The following NDUFA9 variants were observed in gnomAD, a reference collection of about 807,000 sequenced individuals.
NDUFA9 encodes the protein NADH:ubiquinone oxidoreductase subunit A9, also known as NADH dehydrogenase [ubiquinone] 1 alpha subcomplex subunit 9, mitochondrial.
NDUFA9 carries 23 observed loss-of-function variants against 45.9 expected under a neutral mutation model. The observed-to-expected ratio is 0.50, with a 90% confidence interval of 0.36 to 0.71. The LOEUF is 0.71. Ranked by LOEUF, NDUFA9 falls within the 30% of genes least tolerant of loss-of-function variation. The pLI, the probability that NDUFA9 is intolerant of heterozygous loss-of-function variation, is 0.00. For synonymous variants in NDUFA9, 176 were observed against 170.5 expected, an observed-to-expected ratio of 1.03 and a Z score of -0.25; for missense variants, 466 against 488.2, an observed-to-expected ratio of 0.95 and a Z score of 0.43.
intron 3 of NDUFA9, among the ~76,000 whole-genome samples, chr12:4,656,101 A>G (rs908712562): frequency 1.3e-5 from 2 of 152,232 alleles, no homozygotes; most frequent in African/African-American, 4.8e-5. Flanking sequence ...GGTAATATTC[A>G]TACAGATTAT....
intron 8 of NDUFA9, among the ~76,000 whole-genome samples, chr12:4,677,712 G>A (rs1247284524): frequency 6.6e-6 from 1 of 152,004 alleles, no homozygotes; most frequent in African/African-American, 2.4e-5. Flanking sequence ...GTAAACCATT[G>A]TGGAAGACAG....
rs775798853 is a variant in NDUFA9 at position 4,668,457 on chromosome 12, G to T, written c.656G>T (p.Ser219Ile). ...REDRFLNSFA[S>I]MHRFGPIPLG... Reference sequence around the variant, plus strand: ...TAGTTCTCATTCTTTCTTCCGCTAGGTATGCATCGGTTTGGTCCTATACCC... The same window carrying T: ...TAGTTCTCATTCTTTCTTCCGCTAGTTATGCATCGGTTTGGTCCTATACCC... The change falls in exon 7 of 11, where the codon AGT (serine) becomes ATT (isoleucine). Residue 219 changes from serine (S) to isoleucine (I), a missense_variant and splice_region_variant. Coordinates refer to ENST00000266544, the MANE Select transcript of NDUFA9 (RefSeq NM_005002.5). 6.2e-7 allele frequency: 1 copy of T among 1,612,698 alleles called. No homozygotes were observed. Among genetic ancestry groups the T allele is most frequent in the East Asian group, 2.2e-5 (1 of 44,866 alleles).
Position 4,659,453 on chromosome 12 carries a change from A to G in NDUFA9, c.552+276A>G, listed in dbSNP as rs7972920. Among the ~76,000 whole-genome samples, 106,257 of 152,082 alleles carry G rather than the reference A, an allele frequency of 0.7. 37,587 individuals are homozygous for G. The highest frequency in any genetic ancestry group is 0.83 in the South Asian group (3,991 of 4,824). On this transcript the variant is annotated intron_variant, in intron 5 of 10. Coordinates refer to ENST00000266544, the MANE Select transcript of NDUFA9 (RefSeq NM_005002.5). ...TAAAGTTTCTTTGGGGCATCATTGA[A>G]TTATACAGAAACCATCACAGATTTC...
rs187484697 is a variant in NDUFA9, at chr12:4,649,747, C to T, written c.49+572C>T. On this transcript the variant is annotated intron_variant, in intron 1 of 10. Coordinates refer to ENST00000266544, the MANE Select transcript of NDUFA9 (RefSeq NM_005002.5). ...TGTGTTCGGCAAAGTGCGTTGGGGTCTGGGGGAGAGAGTGATGTTTGAGGA... is the reference window on the plus strand; with the variant it reads ...TGTGTTCGGCAAAGTGCGTTGGGGTTTGGGGGAGAGAGTGATGTTTGAGGA... 2.5e-3 allele frequency among the ~76,000 whole-genome samples: 379 copies of T among 152,170 alleles called. 2 individuals are homozygous for T. The highest frequency in any genetic ancestry group is 0.01 in the Middle Eastern group (3 of 294).
At position 4,654,337 on chromosome 12, in the gene NDUFA9, C is replaced by T. The variant is rs1462684907; in HGVS notation, c.95C>T (p.Pro32Leu). ...AIATSVCHGP[P>L]CRQLHHALMP... The stretch of plus-strand genomic sequence containing the variant: ...GCCACATCTGTGTGTCACGGCCCAC[C>T]CTGTCGCCAGCTTCATCATGCCCTC... Residue 32 changes from proline (P) to leucine (L), a missense_variant, in exon 2 of 11, where the codon CCC becomes CTC. By Grantham distance (98) the Pro-to-Leu change is moderately conservative (BLOSUM62 -3). Coordinates refer to ENST00000266544, the MANE Select transcript of NDUFA9 (RefSeq NM_005002.5). 4.3e-6 allele frequency: 7 copies of T among 1,614,096 alleles called. No homozygotes were observed. The highest frequency in any genetic ancestry group is 2.2e-5 in the South Asian group (2 of 91,080).
chr12:4,659,140 C>A lies in NDUFA9; in HGVS notation c.515C>A (p.Ala172Glu). 6.2e-7 allele frequency: 1 copy of A among 1,610,542 alleles called. No homozygotes were observed. Among genetic ancestry groups the A allele is most frequent in the South Asian group, 1.1e-5 (1 of 90,992 alleles). The part of the protein sequence containing the change: ...EKFIHVSHLN[A>E]NIKSSSRYLR... ...TTCATTCATGTTTCACATCTGAATG[C>A]GAATATTAAAAGCTCTTCTAGATAT... Residue 172 changes from alanine (A) to glutamate (E), a missense_variant, in exon 5 of 11, where the codon GCG (alanine) becomes GAG (glutamate). Coordinates refer to ENST00000266544, the MANE Select transcript of NDUFA9 (RefSeq NM_005002.5).
At chr12:4,652,751 T>C (rs1236074050) in intron 1 of NDUFA9, among the ~76,000 whole-genome samples, 1 of 152,262 alleles carries the variant, frequency 6.6e-6, no homozygotes, top group African/African-American at 2.4e-5. Context: ...TATGCAGCAC[T>C]TAGAATAATG....
intron 9 of NDUFA9, 197 bp from the exon 10 acceptor site, chr12:4,685,062 C>A (rs1402073802): frequency 1.4e-6 from 1 of 692,214 alleles, no homozygotes; most frequent in Non-Finnish European, 2.6e-6. Context: ...GTTACAGCAG[C>A]CGACTGGGTT....
intron 1 of NDUFA9, among the ~76,000 whole-genome samples, chr12:4,651,191 C>T (rs1347352303): frequency 6.6e-6 from 1 of 151,988 alleles, no homozygotes; most frequent in Non-Finnish European, 1.5e-5. Flanking sequence ...GCAAATATGT[C>T]TGGACTATTG....
chr12:4,650,642 T>C (rs1945753405), intron 1 of NDUFA9, among the ~76,000 whole-genome samples: 1 of 152,148 alleles, frequency 6.6e-6, no homozygotes, highest in African/African-American at 2.4e-5. Flanking sequence ...CTATATATAG[T>C]TAAGTGTGGC....
At chr12:4,679,695 T>A (rs1591549797) in intron 8 of NDUFA9, among the ~76,000 whole-genome samples, 1 of 151,996 alleles carries the variant, frequency 6.6e-6, no homozygotes, top group East Asian at 1.9e-4. Flanking sequence ...GGATAGGAAG[T>A]GGAGGCAACA....
intron 8 of NDUFA9, among the ~76,000 whole-genome samples, chr12:4,681,455 A>G (rs1440129338): frequency 1.3e-5 from 2 of 151,560 alleles, no homozygotes; most frequent in Non-Finnish European, 2.9e-5. Context: ...ATGATCTCTC[A>G]TATTAAAGAC....
intron 8 of NDUFA9, among the ~76,000 whole-genome samples, chr12:4,672,504 C>A (rs896384278): frequency 2.0e-5 from 3 of 152,234 alleles, no homozygotes; most frequent in Non-Finnish European, 4.4e-5. Flanking sequence ...TCGCTCCTAG[C>A]TCAGCAGTCT....
chr12:4,660,383 G>A (rs944781265), intron 5 of NDUFA9, among the ~76,000 whole-genome samples: 1 of 152,168 alleles, frequency 6.6e-6, no homozygotes, highest in African/African-American at 2.4e-5. Flanking sequence ...TTGGACTCAC[G>A]TTTCAGGTGC....
intron 1 of NDUFA9, among the ~76,000 whole-genome samples, chr12:4,650,942 A>G (rs551917543): frequency 6.6e-6 from 1 of 152,300 alleles, no homozygotes; most frequent in Admixed American, 6.5e-5. Flanking sequence ...CAGAGTTTAG[A>G]TCGGTAGTCT....
chr12:4,693,242 C>T lies in NDUFA9; in HGVS notation c.*6134C>T, dbSNP rs1162306392. The T allele has an allele frequency of 2.0e-5, 3 of 152,204 alleles. No homozygotes were observed. Among genetic ancestry groups the T allele is most frequent in the African/African-American group, 7.2e-5 (3 of 41,446 alleles). 9.4% of individuals were successfully genotyped at this position (152,204 alleles called of 1,614,324 possible). A position where few individuals can be genotyped will look rare whatever the true frequency, so the allele number is the denominator to read the frequency against. ...TGAATGAATGAGGTGGGAAGTCTTT[C>T]TTTACACTTAGATGAAAACTCCATC... On this transcript the variant is annotated 3_prime_UTR_variant, in exon 11 of 11. Transcript: ENST00000266544.
intron 1 of NDUFA9, chr12:4,653,750 C>T (rs533716384): frequency 1.7e-4 from 58 of 345,046 alleles, no homozygotes; most frequent in Non-Finnish European, 2.8e-4. Context: ...CATCTGCTTC[C>T]GACCAGTATC....
rs141369415 is a variant in NDUFA9, at chr12:4,682,212, C to A, written c.808C>A (p.Arg270=). Residue 270 remains arginine (R), a synonymous_variant, in exon 9 of 11, where the codon CGG becomes AGG. Transcript: ENST00000266544. ...TGTATTGTCTTTTTATAGTCCCAGTCGGTACCTCCTTTTCCACCTGGTGAA... is the reference window on the plus strand; with the variant it reads ...TGTATTGTCTTTTTATAGTCCCAGTAGGTACCTCCTTTTCCACCTGGTGAA... ...GKSFAFVGPS[R]YLLFHLVKYI... The A allele has an allele frequency of 5.6e-6, 9 of 1,609,022 alleles. No individual in the cohort carries two copies. Among genetic ancestry groups the A allele is most frequent in the South Asian group, 1.1e-5 (1 of 90,494 alleles).
intron 6 of NDUFA9, 54 bp downstream of exon 6, chr12:4,662,689 A>G (rs992372663): frequency 1.5e-6 from 2 of 1,377,744 alleles, no homozygotes; most frequent in African/African-American, 1.4e-5. Context: ...ACCAAGTTGA[A>G]GCTGCTCAAG....
Sources: gnomAD v4.1 joint callset for allele counts (sites outside exome capture counted in the v4.1 genomes callset) on GRCh38, gnomAD v4.1.1 for gene constraint, MANE v1.5 for transcripts, NCBI Gene and HGNC (gene_info 2026-07-23, HGNC 2026-07-21) for gene names.